Variants in EYA4 observed in about 807,000 individuals in gnomAD.
The protein encoded by EYA4 is EYA transcriptional coactivator and phosphatase 4, also known as protein phosphatase EYA4.
In EYA4, 31 loss-of-function variants were observed where a neutral mutation model predicts 87.9. The observed-to-expected ratio is 0.35, with a 90% CI of 0.27 to 0.48. The LOEUF (loss-of-function observed/expected upper bound fraction) is 0.48. EYA4 is among the 20% of genes least tolerant of loss of function. EYA4 has a pLI of 0.99. For synonymous variants in EYA4, 263 were observed against 270.6 expected (o/e 0.97, Z 0.28); for missense variants, 678 against 761.4 (o/e 0.89, Z 1.29).
chr6:133,422,801 A>C (rs1465110161), intron 3 of EYA4, among the ~76,000 whole-genome samples: 1 of 152,152 alleles, frequency 6.6e-6, no homozygotes, highest in African/African-American at 2.4e-5. Flanking sequence ...CTGCCTCCCT[A>C]GTCTTTAGTT....
chr6:133,303,985 G>A (rs1399096908), intron 2 of EYA4, among the ~76,000 whole-genome samples: 4 of 152,128 alleles, frequency 2.6e-5, no homozygotes, highest in African/African-American at 4.8e-5. Context: ...TTTATCTTCA[G>A]CCGTTCCTGG....
At chr6:133,382,182 T>C (rs1786279124) in intron 2 of EYA4, among the ~76,000 whole-genome samples, 1 of 152,160 alleles carries the variant, frequency 6.6e-6, no homozygotes, top group African/African-American at 2.4e-5. Context: ...ACATTTTACA[T>C]ACTAATGGAG....
intron 14 of EYA4, chr6:133,507,392 A>G (rs1016310656): frequency 2.6e-5 from 4 of 151,754 alleles, no homozygotes; most frequent in Admixed American, 6.6e-5. Flanking sequence ...TTTTTTTTTA[A>G]TGCTCTAAGT....
At chr6:133,415,715 G>A in intron 3 of EYA4, among the ~76,000 whole-genome samples, 1 of 152,160 alleles carries the variant, frequency 6.6e-6, no homozygotes, top group East Asian at 1.9e-4. Flanking sequence ...ACTCCTCTGT[G>A]CACTTTTATG....
intron 1 of EYA4, among the ~76,000 whole-genome samples, chr6:133,259,683 C>T (rs1222422509): frequency 6.6e-6 from 1 of 152,184 alleles, no homozygotes; most frequent in African/African-American, 2.4e-5. Context: ...ACTATAGACA[C>T]AATTCAAATC....
chr6:133,316,231 G>A (rs1269835798), intron 2 of EYA4, among the ~76,000 whole-genome samples: 4 of 152,008 alleles, frequency 2.6e-5, no homozygotes, highest in African/African-American at 9.7e-5. Context: ...CCTATTTAGA[G>A]ATTTCTTTGA....
At chr6:133,360,937 A>C (rs1203593116) in intron 2 of EYA4, among the ~76,000 whole-genome samples, 1 of 152,242 alleles carries the variant, frequency 6.6e-6, no homozygotes, top group Admixed American at 6.5e-5. Flanking sequence ...TTGTGTCTTA[A>C]GTGCATAGGG....
chr6:133,243,490 T>A (rs939054859), intron 1 of EYA4, among the ~76,000 whole-genome samples: 3 of 152,142 alleles, frequency 2.0e-5, no homozygotes, highest in Non-Finnish European at 4.4e-5. Context: ...GGGCTCCCCA[T>A]CAGCAGCTTC....
chr6:133,390,289 G>A (rs565546684), intron 3 of EYA4, among the ~76,000 whole-genome samples: 19 of 151,880 alleles, frequency 1.3e-4, no homozygotes, highest in Non-Finnish European at 2.8e-4. Flanking sequence ...GCAGAATCTC[G>A]GCTCACTGTA....
At chr6:133,394,288 T>TTTTTTG (rs1787583268) in intron 3 of EYA4, among the ~76,000 whole-genome samples, 1 of 15,810 alleles carries the variant, frequency 6.3e-5, no homozygotes, top group African/African-American at 9.1e-5. Context: ...GCTTGTGTTT[T>TTTTTTG]TTTTTTTTTT....
chr6:133,327,530 A>G (rs887966929), intron 2 of EYA4, among the ~76,000 whole-genome samples: 7 of 152,218 alleles, frequency 4.6e-5, no homozygotes, highest in African/African-American at 1.7e-4. Context: ...CAAATTGGTC[A>G]TGGAACATAG....
chr6:133,369,384 A>C (rs1041969701), intron 2 of EYA4, among the ~76,000 whole-genome samples: 1 of 152,114 alleles, frequency 6.6e-6, no homozygotes, highest in Non-Finnish European at 1.5e-5. Flanking sequence ...AACATAAAAG[A>C]CTTTATTTTA....
chr6:133,447,257 CTTAACAT>C (rs1562432451), intron 4 of EYA4, among the ~76,000 whole-genome samples: 1 of 152,108 alleles, frequency 6.6e-6, no homozygotes, highest in Non-Finnish European at 1.5e-5. Context: ...GAGAATAACA[CTTAACAT>C]TTATTTAAAA....
At chr6:133,315,597 G>A (rs888861882) in intron 2 of EYA4, among the ~76,000 whole-genome samples, 1 of 152,260 alleles carries the variant, frequency 6.6e-6, no homozygotes, top group African/African-American at 2.4e-5. Context: ...TGATAGAAAA[G>A]TGGGAAGATA....
intron 2 of EYA4, among the ~76,000 whole-genome samples, chr6:133,316,615 C>T (rs779412653): frequency 2.6e-5 from 4 of 152,142 alleles, no homozygotes; most frequent in East Asian, 3.9e-4. Flanking sequence ...TAATTGACTA[C>T]GCTACCCCTC....
chr6:133,513,390 G>A lies in EYA4; in HGVS notation c.1501+352G>A, dbSNP rs547332470. Reference sequence around the variant, plus strand: ...GCAACAGAAAGAAGTCCTTTCTCAAGTAGAGAGCCTCAATCATTGAAGGAC... The same window carrying A: ...GCAACAGAAAGAAGTCCTTTCTCAAATAGAGAGCCTCAATCATTGAAGGAC... On this transcript the variant is annotated intron_variant, in intron 16 of 19. Coordinates refer to ENST00000355286, the MANE Select transcript of EYA4 (RefSeq NM_004100.5). 1.2e-3 allele frequency among the ~76,000 whole-genome samples: 184 copies of A among 152,272 alleles called. 1 individual carries two copies. The highest frequency in any genetic ancestry group is 4.3e-3 in the African/African-American group (180 of 41,542).
intron 3 of EYA4, among the ~76,000 whole-genome samples, chr6:133,437,821 G>T (rs1393114227): frequency 1.3e-5 from 2 of 152,190 alleles, no homozygotes; most frequent in African/African-American, 4.8e-5. Context: ...CTTGAGAATA[G>T]CATGGGGGAG....
At position 133,529,188 on chromosome 6, in the gene EYA4, C is replaced by G; in HGVS notation, c.*383C>G. The G allele has an allele frequency of 8.6e-7, 1 of 1,162,372 alleles. No homozygotes were observed. Among genetic ancestry groups the G allele is most frequent in the Non-Finnish European group, 1.1e-6 (1 of 932,200 alleles). The allele number at this position is 1,162,372 out of a possible 1,614,324, so 72.0% of individuals were successfully genotyped here. ...CCTCAAAATGGGAGATCTTCTCAGC[C>G]CTGAGGTTTGAATCTGACTTTAGCC... On this transcript the variant is annotated 3_prime_UTR_variant, in exon 20 of 20. Coordinates refer to ENST00000355286, the MANE Select transcript of EYA4 (RefSeq NM_004100.5).
At chr6:133,287,585 T>C (rs1355396696) in intron 2 of EYA4, among the ~76,000 whole-genome samples, 3 of 152,188 alleles carry the variant, frequency 2.0e-5, no homozygotes, top group African/African-American at 7.2e-5. Flanking sequence ...GTTTTCGTGT[T>C]CTTGGGTGGC....
Sources: gnomAD v4.1 joint callset for allele counts (sites outside exome capture counted in the v4.1 genomes callset) on GRCh38, gnomAD v4.1.1 for gene constraint, MANE v1.5 for transcripts, NCBI Gene and HGNC (gene_info 2026-07-23, HGNC 2026-07-21) for gene names.